AGBL4: variants seen among roughly 807,000 people sequenced by gnomAD.
The protein encoded by AGBL4 is AGBL carboxypeptidase 4, also known as cytosolic carboxypeptidase 6.
In AGBL4, 58 loss-of-function variants were observed where a neutral mutation model predicts 66.4. That is an observed-to-expected ratio of 0.87 (90% CI 0.71 to 1.09). AGBL4 has a LOEUF of 1.09. Among genes scored for constraint, AGBL4 ranks in the 50% least tolerant of loss-of-function variants. AGBL4 has a pLI of 0.00. For missense variants in AGBL4, 579 were observed against 631.0 expected, an observed-to-expected ratio of 0.92 and a Z score of 0.88; for synonymous variants, 234 against 222.9, an observed-to-expected ratio of 1.05 and a Z score of -0.44.
intron 1 of AGBL4, among the ~76,000 whole-genome samples, chr1:49,892,650 C>T (rs1648768970): frequency 6.6e-6 from 1 of 152,126 alleles, no homozygotes; most frequent in Non-Finnish European, 1.5e-5. Flanking sequence ...TCAAGCATCA[C>T]CCCCTTAATG....
At position 49,270,267 on chromosome 1, in the gene AGBL4, C is replaced by T. The variant is rs141551634; in HGVS notation, c.283-24403G>A. ...AAAGAGGGGTAGTGAGTGAGATTCT[C>T]TCTCATCTTGTTTTATGTCCTTGAA... On this transcript the variant is annotated intron_variant, in intron 3 of 13. Coordinates refer to ENST00000371839, the MANE Select transcript of AGBL4 (RefSeq NM_032785.4). 2.6e-3 allele frequency among the ~76,000 whole-genome samples: 401 copies of T among 152,150 alleles called. 2 individuals carry two copies. Among genetic ancestry groups the T allele is most frequent in the South Asian group, 0.019 (92 of 4,814 alleles).
chr1:49,417,018 C>T (rs1484223228), intron 3 of AGBL4, among the ~76,000 whole-genome samples: 9 of 152,018 alleles, frequency 5.9e-5, no homozygotes, highest in South Asian at 2.1e-4. Flanking sequence ...AGTATCTTCA[C>T]GCACTTTCAC....
chr1:49,908,658 T>A (rs1488546390), intron 1 of AGBL4, among the ~76,000 whole-genome samples: 1 of 151,992 alleles, frequency 6.6e-6, no homozygotes. Flanking sequence ...CTGGGCATGG[T>A]TGCAAGTGCC....
intron 5 of AGBL4, among the ~76,000 whole-genome samples, chr1:48,926,717 A>T (rs1340831704): frequency 6.6e-6 from 1 of 152,138 alleles, no homozygotes; most frequent in African/African-American, 2.4e-5. Context: ...TTACTACCAA[A>T]CAGCAATTTG....
intron 6 of AGBL4, among the ~76,000 whole-genome samples, chr1:48,692,956 T>G (rs771800703): frequency 6.6e-6 from 1 of 152,216 alleles, no homozygotes; most frequent in African/African-American, 2.4e-5. Context: ...TATAATCTTC[T>G]GAATAACCCT....
At chr1:49,580,824 A>G (rs957484112) in intron 3 of AGBL4, among the ~76,000 whole-genome samples, 3 of 152,142 alleles carry the variant, frequency 2.0e-5, no homozygotes, top group African/African-American at 7.2e-5. Context: ...TAGAATGTCT[A>G]ATTGTAATAT....
In AGBL4 at chr1:49,306,701, G is replaced by A. The variant is rs373288151; in HGVS notation, c.283-60837C>T. On this transcript the variant is annotated intron_variant, in intron 3 of 13. Transcript: ENST00000371839. ...GGTAGTCTCTTCTAGCCTGTGATGG[G>A]TTTTCCTAGAAGCATGTGTGGGGAT... 2.6e-5 allele frequency among the ~76,000 whole-genome samples: 4 copies of A among 152,282 alleles called. No homozygotes were observed. In the East Asian group the frequency reaches 7.7e-4, roughly 29 times the overall value.
intron 8 of AGBL4, among the ~76,000 whole-genome samples, chr1:48,641,973 C>T (rs535764328): frequency 6.6e-6 from 1 of 152,044 alleles, no homozygotes; most frequent in African/African-American, 2.4e-5. Flanking sequence ...TTTACGCAAA[C>T]TGACGAAAGG....
intron 9 of AGBL4, among the ~76,000 whole-genome samples, chr1:48,631,250 T>C (rs1025084987): frequency 2.0e-5 from 3 of 152,180 alleles, no homozygotes; most frequent in Non-Finnish European, 4.4e-5. Flanking sequence ...TTAAAGCTCT[T>C]AGGGCAGATG....
chr1:49,948,536 AATATATAAAT>A lies in AGBL4; in HGVS notation c.34+75217_34+75226del, dbSNP rs1386893444. Reference sequence around the variant, plus strand: ...ATAAAAATATAAATAAATATATATAAATATATAAATATATATAAATATATAAAAATATATA... The same window carrying A: ...ATAAAAATATAAATAAATATATATAAATATATAAATATATAAAAATATATA... On this transcript the variant is annotated intron_variant, in intron 1 of 13. Coordinates refer to ENST00000371839, the MANE Select transcript of AGBL4 (RefSeq NM_032785.4). 5.0e-4 allele frequency among the ~76,000 whole-genome samples: 29 copies of A among 57,524 alleles called. No homozygotes were observed. The Admixed American group carries it at 5.2e-3, about 10-fold the overall frequency. The allele number at this position is 57,524 out of a possible 152,430, so 37.7% of individuals were successfully genotyped here.
intron 1 of AGBL4, among the ~76,000 whole-genome samples, chr1:49,866,233 CA>C (rs1646697616): frequency 6.6e-6 from 1 of 152,116 alleles, no homozygotes; most frequent in South Asian, 2.1e-4. Context: ...CACAGGCCAA[CA>C]TTCAAATTCA....
intron 4 of AGBL4, among the ~76,000 whole-genome samples, chr1:49,203,088 C>CA (rs139732827): frequency 0.043 from 5,808 of 135,832 alleles, 295 homozygotes; most frequent in African/African-American, 0.11. Flanking sequence ...TGGCTACTAT[C>CA]AAAAAAAAAA....
At chr1:48,627,428 T>A (rs1269513992) in intron 9 of AGBL4, among the ~76,000 whole-genome samples, 2 of 152,156 alleles carry the variant, frequency 1.3e-5, no homozygotes, top group Non-Finnish European at 2.9e-5. Context: ...TATCTGTGTG[T>A]GTATTTTGTG....
At chr1:49,737,878 A>G (rs1467775867) in intron 2 of AGBL4, among the ~76,000 whole-genome samples, 1 of 152,232 alleles carries the variant, frequency 6.6e-6, no homozygotes, top group Non-Finnish European at 1.5e-5. Context: ...TCCACTCTAT[A>G]GCTCCCAGCA....
intron 11 of AGBL4, among the ~76,000 whole-genome samples, chr1:48,568,353 A>G (rs1227535216): frequency 6.6e-6 from 1 of 151,976 alleles, no homozygotes; most frequent in Non-Finnish European, 1.5e-5. Context: ...CTGATCTAGA[A>G]TCAATGACCA....
intron 5 of AGBL4, among the ~76,000 whole-genome samples, chr1:48,952,000 A>G (rs1657029785): frequency 1.3e-5 from 2 of 152,258 alleles, no homozygotes; most frequent in Non-Finnish European, 2.9e-5. Flanking sequence ...TAAATGAAGA[A>G]ATCTCAAGCT....
chr1:49,995,095 G>T (rs1287269499), intron 1 of AGBL4: 1 of 455,868 alleles, frequency 2.2e-6, no homozygotes, highest in Non-Finnish European at 4.4e-6. Flanking sequence ...ACTTCCAGCT[G>T]AACTTTGTAA....
intron 6 of AGBL4, among the ~76,000 whole-genome samples, chr1:48,844,841 C>G (rs1646876784): frequency 6.6e-6 from 1 of 152,202 alleles, no homozygotes; most frequent in Non-Finnish European, 1.5e-5. Context: ...CAGGTAGGGA[C>G]ATGTCTGATT....
intron 1 of AGBL4, among the ~76,000 whole-genome samples, chr1:49,884,115 T>G (rs1173118751): frequency 1.3e-5 from 2 of 151,932 alleles, no homozygotes; most frequent in Non-Finnish European, 2.9e-5. Flanking sequence ...TTCAAACTCT[T>G]TACTCTTCTT....
Sources: gnomAD v4.1 joint callset for allele counts (sites outside exome capture counted in the v4.1 genomes callset) on GRCh38, gnomAD v4.1.1 for gene constraint, MANE v1.5 for transcripts, NCBI Gene and HGNC (gene_info 2026-07-23, HGNC 2026-07-21) for gene names.